The following TRIM24 variants were observed in gnomAD, a reference collection of about 807,000 sequenced individuals.
The protein encoded by TRIM24 is tripartite motif containing 24, also known as transcription intermediary factor 1-alpha.
A neutral mutation model predicts 123.9 loss-of-function variants in TRIM24; 29 were observed. The observed-to-expected ratio is 0.23, with a 90% CI of 0.17 to 0.32. The LOEUF is 0.32. Ranked by LOEUF, TRIM24 falls within the 10% of genes least tolerant of loss-of-function variation. The pLI is 1.00. For missense variants in TRIM24, 932 were observed against 1,295.3 expected (o/e 0.72, Z 4.31); for synonymous variants, 456 against 461.1 (o/e 0.99, Z 0.14).
At chr7:138,524,055 G>T (rs117331624) in intron 4 of TRIM24, among the ~76,000 whole-genome samples, 28 of 152,204 alleles carry the variant, frequency 1.8e-4, no homozygotes, top group Admixed American at 3.9e-4. Context: ...TAGGGATACA[G>T]AATTCATTTA....
rs141977770 is a variant in TRIM24, at chr7:138,493,883, A to G, written c.365-10407A>G. On this transcript the variant is annotated intron_variant, in intron 1 of 18. Transcript: ENST00000343526. ...TATCACAGCTGTCTAAAATGGTATT[A>G]TTTCCCAGTAGTCTAATACAAGTCC... Among the ~76,000 whole-genome samples, 14 of 152,258 alleles carry G rather than the reference A, an allele frequency of 9.2e-5. No homozygotes were observed. The East Asian group carries it at 2.7e-3, about 29-fold the overall frequency.
intron 1 of TRIM24, among the ~76,000 whole-genome samples, chr7:138,482,793 G>T (rs1584690947): frequency 6.6e-6 from 1 of 151,902 alleles, no homozygotes; most frequent in Non-Finnish European, 1.5e-5. Flanking sequence ...TGTAGTGATG[G>T]TGTCTCACTA....
intron 7 of TRIM24, among the ~76,000 whole-genome samples, chr7:138,539,067 G>A (rs557082067): frequency 1.0e-3 from 156 of 152,246 alleles, no homozygotes; most frequent in African/African-American, 3.6e-3. Flanking sequence ...AAATAAGGAT[G>A]ATAGTGAACA....
chr7:138,557,453 T>C (rs1174214430), intron 9 of TRIM24, among the ~76,000 whole-genome samples: 9 of 152,112 alleles, frequency 5.9e-5, no homozygotes, highest in Admixed American at 2.0e-4. Context: ...CTATGGCCGA[T>C]TGGATGTTTT....
At chr7:138,488,853 G>A (rs1795713096) in intron 1 of TRIM24, among the ~76,000 whole-genome samples, 2 of 152,192 alleles carry the variant, frequency 1.3e-5, no homozygotes, top group Non-Finnish European at 2.9e-5. Context: ...TTCTGTAGAT[G>A]TCTCTTAGGT....
At chr7:138,479,504 C>A (rs1795478874) in intron 1 of TRIM24, among the ~76,000 whole-genome samples, 1 of 151,992 alleles carries the variant, frequency 6.6e-6, no homozygotes, top group South Asian at 2.1e-4. Context: ...TCCTGAGTAG[C>A]TGGGCGTGTG....
At chr7:138,461,627 G>C (rs1018997088) in intron 1 of TRIM24, among the ~76,000 whole-genome samples, 3 of 152,168 alleles carry the variant, frequency 2.0e-5, no homozygotes, top group African/African-American at 4.8e-5. Flanking sequence ...GGAAGTTACT[G>C]TTCTCTTTGT....
chr7:138,516,925 A>T (rs1796410488), intron 3 of TRIM24, among the ~76,000 whole-genome samples: 1 of 150,856 alleles, frequency 6.6e-6, no homozygotes, highest in Admixed American at 6.6e-5. Flanking sequence ...CCTTGCCAAC[A>T]TGGTGAAACC....
At chr7:138,527,052 T>A (rs545305752) in intron 5 of TRIM24, among the ~76,000 whole-genome samples, 2,781 of 152,184 alleles carry the variant, frequency 0.018, 71 homozygotes, top group African/African-American at 0.061. Flanking sequence ...CATTTTTTTT[T>A]ATGTACCGCT....
chr7:138,584,823 A>G lies in TRIM24; in HGVS notation c.3025A>G (p.Arg1009Gly), dbSNP rs1002477109. 10 of 1,613,310 alleles carry G rather than the reference A, an allele frequency of 6.2e-6. No individual in the cohort carries two copies. The Admixed American group carries it at 1.7e-4, about 27-fold the overall frequency. ...TCTAAAGAACCTCTATCCAGAAAAA[A>G]GGTTTCCCAAACCAGAATTCAGGAA... is the stretch of plus-strand genomic sequence containing the variant. ...ELLKNLYPEK[R>G]FPKPEFRNES... Residue 1009 changes from arginine (R) to glycine (G), a missense_variant, in exon 19 of 19, where the codon AGG becomes GGG. By Grantham distance (125) the Arg-to-Gly change is moderately radical. Around this residue, in one of 7 missense-constraint regions of TRIM24, gnomAD observed 104 missense variants for 121.5 expected, o/e 0.86. Coordinates refer to ENST00000343526, the MANE Select transcript of TRIM24 (RefSeq NM_015905.3).
At chr7:138,477,630 G>A (rs1298824687) in intron 1 of TRIM24, among the ~76,000 whole-genome samples, 1 of 152,146 alleles carries the variant, frequency 6.6e-6, no homozygotes, top group African/African-American at 2.4e-5. Context: ...TATATTGTAA[G>A]CACAAAAAAA....
At chr7:138,506,349 T>C (rs2116533208) in intron 2 of TRIM24, among the ~76,000 whole-genome samples, 1 of 152,342 alleles carries the variant, frequency 6.6e-6, no homozygotes, top group Middle Eastern at 3.4e-3. Flanking sequence ...GAAAGTTCTC[T>C]TCTAAATACA....
At chr7:138,508,059 A>G (rs1796188595) in intron 2 of TRIM24, among the ~76,000 whole-genome samples, 1 of 152,190 alleles carries the variant, frequency 6.6e-6, no homozygotes. Context: ...TAAGGATCCA[A>G]CAAGGCCTAC....
intron 9 of TRIM24, among the ~76,000 whole-genome samples, chr7:138,561,120 T>G (rs1170020722): frequency 6.6e-6 from 1 of 152,172 alleles, no homozygotes; most frequent in Non-Finnish European, 1.5e-5. Flanking sequence ...AAACATTGAC[T>G]TTTTTTGTCT....
chr7:138,507,039 A>T (rs1796165858), intron 2 of TRIM24, among the ~76,000 whole-genome samples: 1 of 152,050 alleles, frequency 6.6e-6, no homozygotes, highest in African/African-American at 2.4e-5. Context: ...AGTGGGTGGG[A>T]GTTAGGTAGA....
rs923931768 is a variant in TRIM24, at chr7:138,475,832, GAT to G, written c.364+14922_364+14923del. Reference sequence around the variant, plus strand: ...GCCCAACTCTGTCTTTTATATAAAAGATACATCTGCAAAATCGAAAAACTCAA... The same window carrying G: ...GCCCAACTCTGTCTTTTATATAAAAGACATCTGCAAAATCGAAAAACTCAA... On this transcript the variant is annotated intron_variant, in intron 1 of 18. Transcript: ENST00000343526. Among the ~76,000 whole-genome samples the G allele has an allele frequency of 5.3e-5, 8 of 152,262 alleles. No individual in the cohort carries two copies. The South Asian group carries it at 8.3e-4, about 16-fold the overall frequency.
At chr7:138,462,130 G>T (rs548092728) in intron 1 of TRIM24, among the ~76,000 whole-genome samples, 1 of 152,204 alleles carries the variant, frequency 6.6e-6, no homozygotes, top group African/African-American at 2.4e-5. Flanking sequence ...AGAGCAAAAG[G>T]CGGGGATACA....
At chr7:138,501,751 G>T (rs368943032) in intron 1 of TRIM24, among the ~76,000 whole-genome samples, 1 of 151,926 alleles carries the variant, frequency 6.6e-6, no homozygotes, top group Non-Finnish European at 1.5e-5. Context: ...GCCGGCTGTG[G>T]TGGCACGTTG....
At chr7:138,565,523 C>A (rs570023280) in intron 9 of TRIM24, among the ~76,000 whole-genome samples, 20 of 151,996 alleles carry the variant, frequency 1.3e-4, no homozygotes, top group African/African-American at 4.6e-4. Flanking sequence ...GGTCACAGGT[C>A]TCTCCCGGCC....
Sources: allele counts gnomAD v4.1 joint callset (sites outside exome capture counted in the v4.1 genomes callset), GRCh38; gene constraint gnomAD v4.1.1; regional missense constraint gnomAD v4.1.1; transcripts MANE v1.5; gene names NCBI Gene and HGNC (gene_info 2026-07-23, HGNC 2026-07-21).